The following LINC00632 variants were observed in gnomAD, a reference collection of about 807,000 sequenced individuals.
LINC00632 encodes the protein ALDOA related specific transcript.
intron 3 of LINC00632, among the ~76,000 whole-genome samples, chrX:140,743,941 G>A (rs1931282627): frequency 8.9e-6 from 1 of 111,805 alleles, no homozygotes; most frequent in South Asian, 3.8e-4. Flanking sequence ...GGATAGGAAT[G>A]TAGTATTTTA....
chrX:140,790,386 T>A (rs1282334213), exon 5 of LINC00632, among the ~76,000 whole-genome samples: 1 of 111,570 alleles, frequency 9.0e-6, no homozygotes, highest in African/African-American at 3.3e-5. Flanking sequence ...ATGGGTATAT[T>A]TTTTTGTTTC....
chrX:140,727,325 C>T (rs759317481), intron 2 of LINC00632, among the ~76,000 whole-genome samples: 1 of 112,015 alleles, frequency 8.9e-6, no homozygotes, highest in South Asian at 3.7e-4. Flanking sequence ...GATTTTCGCT[C>T]TTGTTGCCCA....
At chrX:140,740,710 G>T (rs1931212189) in intron 3 of LINC00632, among the ~76,000 whole-genome samples, 1 of 111,030 alleles carries the variant, frequency 9.0e-6, no homozygotes. Context: ...GCTTACAAAG[G>T]TTCCATACTT....
intron 2 of LINC00632, chrX:140,713,504 T>C (rs1424935230): frequency 3.0e-6 from 1 of 338,253 alleles, no homozygotes. Context: ...GTGTTGTCTA[T>C]TATTATTTGT....
chrX:140,719,009 C>T (rs925662407), intron 2 of LINC00632, among the ~76,000 whole-genome samples: 1 of 111,807 alleles, frequency 8.9e-6, no homozygotes, highest in Non-Finnish European at 1.9e-5. Context: ...TGCAGAACAG[C>T]ATCACACCAC....
chrX:140,724,008 TACAC>T (rs749811504), intron 2 of LINC00632, among the ~76,000 whole-genome samples: 3 of 18,790 alleles, frequency 1.6e-4, no homozygotes, highest in South Asian at 2.5e-3. Context: ...ACACACACCA[TACAC>T]ACACACAGAC....
rs138645437 is a variant in LINC00632 at position 140,746,513 on chromosome X, A to G, written n.191+12549A>G. 3.4e-3 allele frequency among the ~76,000 whole-genome samples: 382 copies of G among 112,430 alleles called. 4 individuals carry two copies. Among genetic ancestry groups the G allele is most frequent in the African/African-American group, 0.012 (363 of 30,992 alleles). On this transcript the variant is annotated intron_variant and non_coding_transcript_variant, in intron 3 of 4. Coordinates refer to ENST00000648200, the Ensembl canonical transcript of LINC00632. The stretch of plus-strand genomic sequence containing the variant: ...GTGATTTGGCAGATTTATGCTTCAT[A>G]TAGTTGGATGAGAGAGGGATCCAGT...
rs1466698307 is a variant in LINC00632, at chrX:140,730,244, C to T, written n.105-3634C>T. Among the ~76,000 whole-genome samples, 4 of 110,136 alleles carry T rather than the reference C, an allele frequency of 3.6e-5. No individual in the cohort carries two copies. In the East Asian group the frequency reaches 1.1e-3, roughly 32 times the overall value. ...GACATGTATCCCACTTGGCACAGAT[C>T]GGCACCACAAGAAACTCCCTCACAG... On this transcript the variant is annotated intron_variant and non_coding_transcript_variant, in intron 2 of 4. Transcript: ENST00000648200.
chrX:140,730,994 C>T (rs1213274927), intron 2 of LINC00632, among the ~76,000 whole-genome samples: 1 of 110,134 alleles, frequency 9.1e-6, no homozygotes, highest in African/African-American at 3.3e-5. Context: ...CTCCATCTCC[C>T]GGGTTCAAGC....
chrX:140,755,643 A>G (rs1265840905), intron 3 of LINC00632, among the ~76,000 whole-genome samples: 1 of 112,297 alleles, frequency 8.9e-6, no homozygotes, highest in Non-Finnish European at 1.9e-5. Context: ...GTGAAAGTAT[A>G]TGCTTACAGA....
Position 140,723,040 on chromosome X carries a change from CA to C in LINC00632, n.105-10825del, listed in dbSNP as rs200591996. ...TGGGCAACAGAGGGAAACTCCATCT[CA>C]AAAAAAAAAAAAGAAAAGAAAAGAA... On this transcript the variant is annotated intron_variant and non_coding_transcript_variant, in intron 2 of 4. Coordinates refer to ENST00000648200, the Ensembl canonical transcript of LINC00632. Among the ~76,000 whole-genome samples the C allele has an allele frequency of 3.6e-3, 314 of 87,033 alleles. 1 individual carries two copies. The highest frequency in any genetic ancestry group is 0.012 in the African/African-American group (274 of 23,558). 75.6% of individuals were successfully genotyped at this position (87,033 alleles called of 115,157 possible).
intron 3 of LINC00632, among the ~76,000 whole-genome samples, chrX:140,755,112 T>C (rs1280979148): frequency 6.2e-5 from 7 of 112,244 alleles, no homozygotes; most frequent in African/African-American, 2.3e-4. Context: ...GGCTTTTAAA[T>C]CAGACTCTAT....
chrX:140,784,644 T>C, exon 5 of LINC00632: 1 of 403,819 alleles, frequency 2.5e-6, no homozygotes, highest in Non-Finnish European at 4.4e-6. Flanking sequence ...GGTCTTCCAG[T>C]GTCTGCAATA....
chrX:140,780,669 G>C (rs1338609395), exon 5 of LINC00632, among the ~76,000 whole-genome samples: 1 of 111,919 alleles, frequency 8.9e-6, no homozygotes, highest in Non-Finnish European at 1.9e-5. Flanking sequence ...GAGAGAATTT[G>C]TGTAAGTCTA....
chrX:140,723,613 A>AACACACACATTCCAT (rs1930797781), intron 2 of LINC00632, among the ~76,000 whole-genome samples: 2 of 24,951 alleles, frequency 8.0e-5, no homozygotes, highest in South Asian at 3.0e-3. Context: ...ACATTCCATA[A>AACACACACATTCCAT]ACACACACAC....
chrX:140,783,509 T>A, exon 5 of LINC00632: 1 of 1,044,468 alleles, frequency 9.6e-7, no homozygotes, highest in Admixed American at 2.8e-5. Flanking sequence ...CTAATCCATG[T>A]CTTCCAGAAA....
At position 140,754,711 on chromosome X, in the gene LINC00632, G is replaced by T. The variant is rs185596520; in HGVS notation, n.192-17367G>T. Among the ~76,000 whole-genome samples, 275 of 110,328 alleles carry T rather than the reference G, an allele frequency of 2.5e-3. 2 individuals are homozygous for T. Among genetic ancestry groups the T allele is most frequent in the African/African-American group, 8.7e-3 (264 of 30,398 alleles). On this transcript the variant is annotated intron_variant and non_coding_transcript_variant, in intron 3 of 4. Coordinates refer to ENST00000648200, the Ensembl canonical transcript of LINC00632. ...CAGCAGATTTTTTTTTTTCTACTGGGGGATTTTTTTGGACTCCTAATATAT... is the reference window on the plus strand; with the variant it reads ...CAGCAGATTTTTTTTTTTCTACTGGTGGATTTTTTTGGACTCCTAATATAT...
exon 5 of LINC00632, among the ~76,000 whole-genome samples, chrX:140,785,184 TATAATA>T (rs777271354): frequency 5.6e-4 from 59 of 104,794 alleles, no homozygotes; most frequent in Middle Eastern, 4.9e-3. Context: ...ATAATAATAA[TATAATA>T]ATAATAATAA....
intron 2 of LINC00632, among the ~76,000 whole-genome samples, chrX:140,725,418 CCA>C (rs1299864968): frequency 1.0e-4 from 10 of 97,708 alleles, no homozygotes; most frequent in African/African-American, 3.7e-4. Context: ...CAGACACATT[CCA>C]CACACACACA....
Sources: gnomAD v4.1 joint callset for allele counts (sites outside exome capture counted in the v4.1 genomes callset) on GRCh38, gnomAD v4.1.1 for gene constraint, MANE v1.5 for transcripts, NCBI Gene and HGNC (gene_info 2026-07-23, HGNC 2026-07-21) for gene names.